The following ARMH4 variants were observed in gnomAD, a reference collection of about 807,000 sequenced individuals.
ARMH4 encodes armadillo-like helical domain-containing protein 4.
In ARMH4, 49 loss-of-function variants were observed where a neutral mutation model predicts 61.9. That is an observed-to-expected ratio of 0.79 (90% CI 0.63 to 1.00). The LOEUF is 1.00. Ranked by LOEUF, ARMH4 falls within the 50% of genes least tolerant of loss-of-function variation. The pLI, the probability that ARMH4 is intolerant of heterozygous loss-of-function variation, is 0.00. For synonymous variants in ARMH4, 368 were observed against 341.5 expected (o/e 1.08, Z -0.85); for missense variants, 934 against 930.0 (o/e 1.00, Z -0.06).
chr14:58,091,536 C>T (rs1885564393), intron 5 of ARMH4, among the ~76,000 whole-genome samples: 1 of 151,922 alleles, frequency 6.6e-6, no homozygotes, highest in Non-Finnish European at 1.5e-5. Flanking sequence ...GGCATTCTAA[C>T]AAATAAAGGA....
At chr14:58,017,836 C>CA (rs557896616) in intron 5 of ARMH4, among the ~76,000 whole-genome samples, 56 of 149,776 alleles carry the variant, frequency 3.7e-4, no homozygotes, top group South Asian at 1.1e-3. Flanking sequence ...GCAACAACAA[C>CA]AAAAAAAAAC....
intron 5 of ARMH4, among the ~76,000 whole-genome samples, chr14:58,057,420 A>G (rs1044015033): frequency 3.3e-5 from 5 of 152,250 alleles, no homozygotes; most frequent in African/African-American, 1.2e-4. Flanking sequence ...TTCAATTTAC[A>G]GATGAGGAAA....
At position 58,003,122 on chromosome 14, in the gene ARMH4, T is replaced by C. The variant is rs1882037241; in HGVS notation, c.*1614A>G. 1 of 152,024 alleles carries C rather than the reference T, an allele frequency of 6.6e-6. No homozygotes were observed. The highest frequency in any genetic ancestry group is 2.4e-5 in the African/African-American group (1 of 41,440). 9.4% of individuals were successfully genotyped at this position (152,024 alleles called of 1,614,324 possible). A position where few individuals can be genotyped will look rare whatever the true frequency, so the allele number is the denominator to read the frequency against. On this transcript the variant is annotated 3_prime_UTR_variant, in exon 8 of 8. Coordinates refer to ENST00000267485, the MANE Select transcript of ARMH4 (RefSeq NM_001001872.4). Reference sequence around the variant, plus strand: ...AAAGGCATCATTCATTTAACAAAGATGGAAATTCACATCAAACGTTCCTTG... The same window carrying C: ...AAAGGCATCATTCATTTAACAAAGACGGAAATTCACATCAAACGTTCCTTG...
At chr14:58,066,957 A>G (rs770616935) in intron 5 of ARMH4, among the ~76,000 whole-genome samples, 1 of 152,218 alleles carries the variant, frequency 6.6e-6, no homozygotes, top group Non-Finnish European at 1.5e-5. Flanking sequence ...CTAATCTACA[A>G]TGTAACTTAG....
At chr14:58,105,791 A>T (rs533317037) in intron 4 of ARMH4, among the ~76,000 whole-genome samples, 22 of 152,266 alleles carry the variant, frequency 1.4e-4, no homozygotes, top group Middle Eastern at 3.4e-3. Flanking sequence ...ATGCTCAAAG[A>T]TGTAAAGTTA....
chr14:58,105,578 T>G (rs2141278621), intron 4 of ARMH4, among the ~76,000 whole-genome samples: 1 of 151,432 alleles, frequency 6.6e-6, no homozygotes. Context: ...TCCCAGCTAC[T>G]CAAGAAGCTG....
chr14:58,071,613 A>G (rs1327072862), intron 5 of ARMH4, among the ~76,000 whole-genome samples: 1 of 152,160 alleles, frequency 6.6e-6, no homozygotes, highest in Non-Finnish European at 1.5e-5. Context: ...TGAGGAGTAA[A>G]TGTAGAAATA....
At chr14:58,042,033 C>A (rs1387974781) in intron 5 of ARMH4, among the ~76,000 whole-genome samples, 1 of 151,574 alleles carries the variant, frequency 6.6e-6, no homozygotes, top group Non-Finnish European at 1.5e-5. Context: ...ATTAGACAGA[C>A]CAACGAGACA....
At chr14:58,068,231 C>T (rs1188560312) in intron 5 of ARMH4, among the ~76,000 whole-genome samples, 5 of 151,814 alleles carry the variant, frequency 3.3e-5, no homozygotes, top group African/African-American at 1.2e-4. Context: ...TTCTGTCTAC[C>T]CCCCAACCCC....
chr14:58,144,654 C>T (rs1441205175), intron 1 of ARMH4, among the ~76,000 whole-genome samples: 10 of 152,094 alleles, frequency 6.6e-5, no homozygotes, highest in South Asian at 2.1e-4. Flanking sequence ...GATCACGAGG[C>T]CAGGAGATTG....
At chr14:58,128,435 C>T (rs1473635603) in intron 4 of ARMH4, among the ~76,000 whole-genome samples, 1 of 152,138 alleles carries the variant, frequency 6.6e-6, no homozygotes, top group Non-Finnish European at 1.5e-5. Context: ...TTCAAAGCTG[C>T]TAAATACAGC....
At chr14:58,132,261 G>C (rs1887134622) in intron 3 of ARMH4, among the ~76,000 whole-genome samples, 1 of 152,186 alleles carries the variant, frequency 6.6e-6, no homozygotes, top group Non-Finnish European at 1.5e-5. Flanking sequence ...TAAGAGATCA[G>C]AGCATTTGAG....
At chr14:58,036,104 G>C (rs1410326878) in intron 5 of ARMH4, among the ~76,000 whole-genome samples, 13 of 110,586 alleles carry the variant, frequency 1.2e-4, no homozygotes, top group South Asian at 6.0e-4. Context: ...CCAAAAAAGA[G>C]AATTTTAGAC....
chr14:58,074,737 T>C (rs1884991998), intron 5 of ARMH4, among the ~76,000 whole-genome samples: 1 of 152,090 alleles, frequency 6.6e-6, no homozygotes, highest in African/African-American at 2.4e-5. Context: ...TGTAGTAAAA[T>C]AATTAGGAAG....
intron 5 of ARMH4, among the ~76,000 whole-genome samples, chr14:58,076,827 T>C (rs1276125165): frequency 2.0e-5 from 3 of 152,114 alleles, no homozygotes; most frequent in Non-Finnish European, 2.9e-5. Context: ...ATGAGCTATT[T>C]GGGAGCAACT....
chr14:58,103,677 C>T (rs1283354617), intron 4 of ARMH4, among the ~76,000 whole-genome samples: 1 of 152,076 alleles, frequency 6.6e-6, no homozygotes, highest in Admixed American at 6.6e-5. Context: ...CAGCCTCAAC[C>T]TCCTGGGTTC....
chr14:58,049,016 T>C (rs1037364101), intron 5 of ARMH4, among the ~76,000 whole-genome samples: 2 of 151,832 alleles, frequency 1.3e-5, no homozygotes, highest in Admixed American at 1.3e-4. Flanking sequence ...GGAGGGCGGA[T>C]CATGAGGTCA....
At chr14:58,094,146 A>G (rs925895222) in intron 5 of ARMH4, among the ~76,000 whole-genome samples, 7 of 152,006 alleles carry the variant, frequency 4.6e-5, no homozygotes, top group Admixed American at 4.6e-4. Context: ...CCTAGCCAAT[A>G]TGGTGAAACC....
rs144361487 is a variant in ARMH4 at position 58,086,508 on chromosome 14, C to A, written c.2089+10216G>T. On this transcript the variant is annotated intron_variant, in intron 5 of 7. Coordinates refer to ENST00000267485, the MANE Select transcript of ARMH4 (RefSeq NM_001001872.4). The stretch of plus-strand genomic sequence containing the variant: ...AAGCATGACAGAAAACCCTCAGTAC[C>A]TGATCAGTTACCATGTTTTCCACAA... 2.3e-3 allele frequency among the ~76,000 whole-genome samples: 349 copies of A among 152,222 alleles called. 1 individual carries two copies. Among genetic ancestry groups the A allele is most frequent in the African/African-American group, 8.0e-3 (333 of 41,540 alleles).
Sources: gnomAD v4.1 joint callset for allele counts (sites outside exome capture counted in the v4.1 genomes callset) on GRCh38, gnomAD v4.1.1 for gene constraint, MANE v1.5 for transcripts, NCBI Gene and HGNC (gene_info 2026-07-23, HGNC 2026-07-21) for gene names.